MTUS2: variants seen among roughly 807,000 people sequenced by gnomAD.
The protein encoded by MTUS2 is microtubule-associated tumor suppressor candidate 2.
MTUS2 carries 40 observed loss-of-function variants against 114.1 expected under a neutral mutation model. The observed-to-expected ratio is 0.35, with a 90% CI of 0.27 to 0.46. The LOEUF is 0.46. Among genes scored for constraint, MTUS2 ranks in the 20% least tolerant of loss-of-function variants. MTUS2 has a pLI of 1.00. For missense variants in MTUS2, 1,679 were observed against 1,705.4 expected (o/e 0.98, Z 0.27); for synonymous variants, 688 against 672.0 (o/e 1.02, Z -0.37).
In MTUS2 at chr13:28,971,725, C is replaced by T. The variant is rs553043143; in HGVS notation, c.-242-52732C>T. Among the ~76,000 whole-genome samples the T allele has an allele frequency of 4.7e-4, 72 of 152,286 alleles. 1 individual carries two copies. Among genetic ancestry groups the T allele is most frequent in the Non-Finnish European group, 7.9e-4 (54 of 68,026 alleles). ...GCAGGGCTTCCCACACACTTGAGCT[C>T]GTTTACTTCTCATATAAACATGTGA... On this transcript the variant is annotated intron_variant, in intron 2 of 15. Coordinates refer to ENST00000612955, the MANE Select transcript of MTUS2 (RefSeq NM_001033602.4).
At chr13:28,923,263 T>C (rs1055585249) in intron 2 of MTUS2, among the ~76,000 whole-genome samples, 1 of 152,252 alleles carries the variant, frequency 6.6e-6, no homozygotes, top group Non-Finnish European at 1.5e-5. Flanking sequence ...ATCCGATTCA[T>C]CTCAGTGTTG....
In MTUS2 at chr13:28,935,949, G is replaced by A. The variant is rs1367477168; in HGVS notation, c.-242-88508G>A. ...TTTTGTAGAGATGGGATCTCGCTCT[G>A]TTGCCCAGACTGGTCTTGAACTCCT... On this transcript the variant is annotated intron_variant, in intron 2 of 15. Coordinates refer to ENST00000612955, the MANE Select transcript of MTUS2 (RefSeq NM_001033602.4). Among the ~76,000 whole-genome samples the A allele has an allele frequency of 2.6e-5, 4 of 152,066 alleles. No homozygotes were observed. In the South Asian group the frequency reaches 6.2e-4, roughly 24 times the overall value.
rs556932013 is a variant in MTUS2, at chr13:29,177,295, A to G, written c.2644+76325A>G. 4.6e-5 allele frequency among the ~76,000 whole-genome samples: 7 copies of G among 151,180 alleles called. No homozygotes were observed. In the South Asian group the frequency reaches 1.5e-3, roughly 31 times the overall value. ...GTCATACTTAAAGCTATGAGACTAG[A>G]TAAAATCACAAAGGAAGTGTATATA... On this transcript the variant is annotated intron_variant, in intron 5 of 15. Transcript: ENST00000612955.
chr13:29,332,969 C>T (rs190025394), intron 7 of MTUS2, among the ~76,000 whole-genome samples: 11 of 151,992 alleles, frequency 7.2e-5, no homozygotes, highest in Admixed American at 5.9e-4. Flanking sequence ...GTTAGAGTGT[C>T]GATTTTAGAT....
intron 8 of MTUS2, among the ~76,000 whole-genome samples, chr13:29,388,418 T>G (rs2138402523): frequency 6.6e-6 from 1 of 151,156 alleles, no homozygotes; most frequent in Non-Finnish European, 1.5e-5. Context: ...CAAAGTAGCA[T>G]CTAGTTGCCC....
intron 8 of MTUS2, among the ~76,000 whole-genome samples, chr13:29,381,221 A>T (rs1375616907): frequency 3.3e-5 from 5 of 152,200 alleles, no homozygotes. Context: ...TGTGCCAGGA[A>T]AAAACTTAGG....
At chr13:29,374,103 A>G (rs1352929296) in intron 8 of MTUS2, among the ~76,000 whole-genome samples, 1 of 152,244 alleles carries the variant, frequency 6.6e-6, no homozygotes, top group Non-Finnish European at 1.5e-5. Flanking sequence ...ATGATGGAGA[A>G]AAAAGTCAGT....
rs570712979 is a variant in MTUS2 at position 29,388,244 on chromosome 13, A to G, written c.3117+28771A>G. Among the ~76,000 whole-genome samples the G allele has an allele frequency of 2.0e-5, 3 of 152,256 alleles. No homozygotes were observed. The East Asian group carries it at 5.8e-4, about 29-fold the overall frequency. On this transcript the variant is annotated intron_variant, in intron 8 of 15. Coordinates refer to ENST00000612955, the MANE Select transcript of MTUS2 (RefSeq NM_001033602.4). ...TCAGTTTAGCACCGTGACAGGTACC[A>G]TGAAGTTGCTAATATCACCAGTGGG...
intron 9 of MTUS2, among the ~76,000 whole-genome samples, chr13:29,446,789 TTC>T (rs1878316000): frequency 6.6e-6 from 1 of 152,154 alleles, no homozygotes; most frequent in Non-Finnish European, 1.5e-5. Context: ...AAATTAAATT[TTC>T]TCTCTCTCCC....
chr13:29,043,307 T>C (rs1386522989), intron 4 of MTUS2, among the ~76,000 whole-genome samples: 1 of 152,200 alleles, frequency 6.6e-6, no homozygotes, highest in African/African-American at 2.4e-5. Context: ...GTACTTGATA[T>C]AATTTCAATT....
At chr13:29,038,499 C>T (rs1887186577) in intron 4 of MTUS2, among the ~76,000 whole-genome samples, 1 of 152,218 alleles carries the variant, frequency 6.6e-6, no homozygotes, top group Non-Finnish European at 1.5e-5. Flanking sequence ...AGGTGTCTCC[C>T]AGTCAGGAGG....
At position 29,135,197 on chromosome 13, in the gene MTUS2, G is replaced by C. The variant is rs75539529; in HGVS notation, c.2644+34227G>C. On this transcript the variant is annotated intron_variant, in intron 5 of 15. Transcript: ENST00000612955. ...TATTAGTCACTTAGTAGCCATCTCA[G>C]TTATCACGTTGCAAAAACAGTGGTT... Among the ~76,000 whole-genome samples the C allele has an allele frequency of 9.1e-4, 139 of 152,270 alleles. 1 individual carries two copies. In the East Asian group the frequency reaches 0.024, roughly 26 times the overall value.
intron 5 of MTUS2, among the ~76,000 whole-genome samples, chr13:29,270,897 G>GA (rs1247340699): frequency 5.3e-5 from 8 of 152,222 alleles, no homozygotes; most frequent in Admixed American, 5.2e-4. Flanking sequence ...CAAGCCCGGG[G>GA]ATCTTCCTTG....
rs1162860492 is a variant in MTUS2 at position 29,060,543 on chromosome 13, C to CTTT, written c.2446+26438_2446+26440dup. On this transcript the variant is annotated intron_variant, in intron 4 of 15. Transcript: ENST00000612955. ...CCCAATGTGGTTTCTCCTAGCCCTT[C>CTTT]TTTTTTTTTTTTTTTTTTTTTTACT... 6.2e-3 allele frequency among the ~76,000 whole-genome samples: 628 copies of CTTT among 101,076 alleles called. 8 individuals are homozygous for CTTT. Among genetic ancestry groups the CTTT allele is most frequent in the African/African-American group, 0.02 (543 of 26,756 alleles). 66.3% of individuals were successfully genotyped at this position (101,076 alleles called of 152,430 possible). A position where few individuals can be genotyped will look rare whatever the true frequency, so the allele number is the denominator to read the frequency against.
intron 6 of MTUS2, among the ~76,000 whole-genome samples, chr13:29,304,677 A>G (rs1899358812): frequency 6.6e-6 from 1 of 152,220 alleles, no homozygotes; most frequent in Non-Finnish European, 1.5e-5. Flanking sequence ...AAACTCCCAC[A>G]GAATAATAGT....
intron 4 of MTUS2, among the ~76,000 whole-genome samples, chr13:29,088,502 A>G (rs971451158): frequency 2.6e-5 from 4 of 152,126 alleles, no homozygotes; most frequent in African/African-American, 9.7e-5. Flanking sequence ...CATTTGTTCA[A>G]GTGTTGAGTA....
At chr13:29,499,210 C>T (rs1177981750) in intron 14 of MTUS2, among the ~76,000 whole-genome samples, 1 of 152,172 alleles carries the variant, frequency 6.6e-6, no homozygotes, top group Non-Finnish European at 1.5e-5. Flanking sequence ...ACTCGCCCAC[C>T]TCAGCCCACC....
At position 28,917,093 on chromosome 13, in the gene MTUS2, T is replaced by A. The variant is rs539270202; in HGVS notation, c.-243+77243T>A. ...TTGATTCACTTAGGTCGAACCATCC[T>A]TGTATCTCAGGAATTAATCCGACCT... is the stretch of plus-strand genomic sequence containing the variant. On this transcript the variant is annotated intron_variant, in intron 2 of 15. Transcript: ENST00000612955. 3.9e-5 allele frequency among the ~76,000 whole-genome samples: 6 copies of A among 152,110 alleles called. No individual in the cohort carries two copies. In the South Asian group the frequency reaches 1.2e-3, roughly 31 times the overall value.
intron 8 of MTUS2, among the ~76,000 whole-genome samples, chr13:29,369,469 T>C (rs3125690): frequency 0.86 from 131,549 of 152,216 alleles, 56,970 homozygotes; most frequent in East Asian, 0.92. Context: ...TCCACAAACC[T>C]GATTGAAACG....
Sources: gnomAD v4.1 joint callset for allele counts (sites outside exome capture counted in the v4.1 genomes callset) on GRCh38, gnomAD v4.1.1 for gene constraint, MANE v1.5 for transcripts, NCBI Gene and HGNC (gene_info 2026-07-23, HGNC 2026-07-21) for gene names.